The following BSPRY variants were observed in gnomAD, a reference collection of about 807,000 sequenced individuals.
The protein encoded by BSPRY is B box and SPRY domain-containing protein.
Under a neutral mutation model 38.0 loss-of-function variants are expected in BSPRY, and 33 were observed. The observed-to-expected ratio is 0.87, with a 90% CI of 0.66 to 1.16. The LOEUF is 1.16. Among genes scored for constraint, BSPRY ranks in the 50% most tolerant of loss-of-function variants. The pLI is 0.00. For synonymous variants in BSPRY, 224 were observed against 228.5 expected, an observed-to-expected ratio of 0.98 and a Z score of 0.18; for missense variants, 523 against 533.2, an observed-to-expected ratio of 0.98 and a Z score of 0.19.
At chr9:113,367,794 C>G (rs528922113) in intron 4 of BSPRY, among the ~76,000 whole-genome samples, 1 of 151,992 alleles carries the variant, frequency 6.6e-6, no homozygotes, top group African/African-American at 2.4e-5. Context: ...GGCCACCTTC[C>G]CTTTTGGCCC....
At position 113,370,927 on chromosome 9, in the gene BSPRY, A is replaced by C. The variant is rs1356189843; in HGVS notation, c.*785A>C. 6.6e-6 allele frequency: 1 copy of C among 152,050 alleles called. No homozygotes were observed. The highest frequency in any genetic ancestry group is 1.5e-5 in the Non-Finnish European group (1 of 68,006). 9.4% of individuals were successfully genotyped at this position (152,050 alleles called of 1,614,324 possible). On this transcript the variant is annotated 3_prime_UTR_variant, in exon 6 of 6. Transcript: ENST00000374183. This position sits in a 1 kb window ranked among gnomAD's most constrained non-coding sequence, Gnocchi z 4.8. Reference sequence around the variant, plus strand: ...CTGAAAGGCTGCTCCTGGCCAGAGGACTCTGTCCCGGGGGACCGTGTCCTC... The same window carrying C: ...CTGAAAGGCTGCTCCTGGCCAGAGGCCTCTGTCCCGGGGGACCGTGTCCTC...
rs1478344564 is a variant in BSPRY at position 113,349,689 on chromosome 9, G to A, written c.110G>A (p.Arg37Gln). 8.1e-7 allele frequency: 1 copy of A among 1,238,854 alleles called. No individual in the cohort carries two copies. The highest frequency in any genetic ancestry group is 3.3e-5 in the South Asian group (1 of 30,016). The allele number at this position is 1,238,854 out of a possible 1,614,324, so 76.7% of individuals were successfully genotyped here. ...CTGAGCTGGTTCTGCGGCTCCGAGC[G>A]ACGGCCCGTGTGCGCCGCCTGCGCG... ...QALSWFCGSE[R>Q]RPVCAACAGL... is the part of the protein sequence containing the mutation. The change falls in exon 1 of 6, where the codon CGA becomes CAA. Residue 37 changes from arginine (R) to glutamine (Q), a missense_variant. Coordinates refer to ENST00000374183, the MANE Select transcript of BSPRY (RefSeq NM_017688.3).
intron 2 of BSPRY, among the ~76,000 whole-genome samples, chr9:113,356,759 G>T (rs7873616): frequency 0.3 from 45,626 of 152,050 alleles, 8,171 homozygotes; most frequent in African/African-American, 0.49. Flanking sequence ...GGATAATGCT[G>T]AAGTTTTTTT....
chr9:113,360,821 G>A lies in BSPRY; in HGVS notation c.531+84G>A, dbSNP rs1834142117. On this transcript the variant is annotated intron_variant, in intron 3 of 5. Coordinates refer to ENST00000374183, the MANE Select transcript of BSPRY (RefSeq NM_017688.3). ...ATATCGAGAATGTTTGTCGGTATGA[G>A]GAGGGTGGAAATGAGAATTTGGAGC... is the stretch of plus-strand genomic sequence containing the variant. 5.9e-6 allele frequency: 7 copies of A among 1,182,854 alleles called. No individual in the cohort carries two copies. The East Asian group carries it at 7.7e-5, about 13-fold the overall frequency. 73.3% of individuals were successfully genotyped at this position (1,182,854 alleles called of 1,614,324 possible). A position where few individuals can be genotyped will look rare whatever the true frequency, so the allele number is the denominator to read the frequency against.
At chr9:113,365,667 C>T (rs1834235377) in intron 4 of BSPRY, among the ~76,000 whole-genome samples, 1 of 151,828 alleles carries the variant, frequency 6.6e-6, no homozygotes, top group Admixed American at 6.6e-5. Flanking sequence ...ACTCAGTGAC[C>T]TTGCTTCTAG....
rs749586139 is a variant in BSPRY at position 113,368,356 on chromosome 9, G to A, written c.655G>A (p.Ala219Thr). 5 of 1,614,138 alleles carry A rather than the reference G, an allele frequency of 3.1e-6. No individual in the cohort carries two copies. In the South Asian group the frequency reaches 5.5e-5, roughly 18 times the overall value. The change falls in exon 5 of 6, where the codon GCA (alanine) becomes ACA (threonine). Residue 219 changes from alanine to threonine, a missense_variant. Coordinates refer to ENST00000374183, the MANE Select transcript of BSPRY (RefSeq NM_017688.3). ...TRSPLLTQLW[A>T]TAVLGSLSGT... ...GAGCCCACTACTGACCCAACTCTGG[G>A]CAACGGCGGTTCTTGGGTCTCTCTC...
intron 1 of BSPRY, among the ~76,000 whole-genome samples, 175 bp downstream of exon 1, chr9:113,349,955 A>G (rs534190677): frequency 2.6e-5 from 4 of 152,274 alleles, no homozygotes; most frequent in African/African-American, 7.2e-5. Flanking sequence ...TGGCCTCTGA[A>G]GTCAGGCTGG....
chr9:113,357,884 TTCTATATATATATATATATATATATA>T (rs1834085154), intron 2 of BSPRY, among the ~76,000 whole-genome samples: 1 of 87,178 alleles, frequency 1.1e-5, no homozygotes, highest in African/African-American at 4.3e-5. Flanking sequence ...GCCTGTAGAG[TTCTATATATATATATATATATATATA>T]TATATATATA....
intron 4 of BSPRY, among the ~76,000 whole-genome samples, chr9:113,362,947 A>G (rs1286256165): frequency 6.6e-6 from 1 of 152,262 alleles, no homozygotes; most frequent in Non-Finnish European, 1.5e-5. Context: ...CCAAGAGGAC[A>G]TAATTTGCCA....
intron 5 of BSPRY, 36 bp downstream of exon 5, chr9:113,368,419 C>A: frequency 6.2e-7 from 1 of 1,602,778 alleles, no homozygotes; most frequent in Non-Finnish European, 8.5e-7. Context: ...ATTAGGACAA[C>A]TGGGCTTCTG....
At chr9:113,352,250 C>G (rs1278618979) in intron 1 of BSPRY, among the ~76,000 whole-genome samples, 1 of 152,314 alleles carries the variant, frequency 6.6e-6, no homozygotes, top group South Asian at 2.1e-4. Context: ...CTTCTATGTT[C>G]AGAAACTCTC....
In BSPRY at chr9:113,370,094, C is replaced by T. The variant is rs776527548; in HGVS notation, c.1161C>T (p.Leu387=). 6.8e-6 allele frequency: 11 copies of T among 1,605,964 alleles called. 1 individual carries two copies. In the South Asian group the frequency reaches 1.2e-4, roughly 18 times the overall value. ...ATCATGTGTCCTTCCCGGGGCCCCTCTTCCCAGTCTTTGCTGTGGCCGATC... is the reference window on the plus strand; with the variant it reads ...ATCATGTGTCCTTCCCGGGGCCCCTTTTCCCAGTCTTTGCTGTGGCCGATC... The part of the protein sequence containing the change: ...CAHHVSFPGP[L]FPVFAVADQT... Residue 387 remains leucine, a synonymous_variant, in exon 6 of 6, where the codon CTC becomes CTT. Transcript: ENST00000374183. The surrounding 1 kb of genome is among the most constrained non-coding windows in gnomAD (Gnocchi z 4.8).
At chr9:113,350,515 T>A (rs1038117542) in intron 1 of BSPRY, among the ~76,000 whole-genome samples, 1 of 152,128 alleles carries the variant, frequency 6.6e-6, no homozygotes, top group Non-Finnish European at 1.5e-5. Context: ...CACCTCCTTG[T>A]CATCACCATT....
At chr9:113,365,191 A>G (rs1834228464) in intron 4 of BSPRY, among the ~76,000 whole-genome samples, 1 of 152,150 alleles carries the variant, frequency 6.6e-6, no homozygotes, top group African/African-American at 2.4e-5. Flanking sequence ...TTATAAAGTT[A>G]TGCTTTTCCT....
chr9:113,358,023 G>A (rs1834091613), intron 2 of BSPRY, among the ~76,000 whole-genome samples: 1 of 148,514 alleles, frequency 6.7e-6, no homozygotes, highest in South Asian at 2.1e-4. Flanking sequence ...AAGGCCAGGA[G>A]GATCACTTGA....
chr9:113,362,901 C>G (rs1834177626), intron 4 of BSPRY, among the ~76,000 whole-genome samples: 1 of 152,134 alleles, frequency 6.6e-6, no homozygotes, highest in South Asian at 2.1e-4. Flanking sequence ...CAGGTCCTGC[C>G]TGAGTTCTAA....
At chr9:113,357,737 C>T (rs554761981) in intron 2 of BSPRY, among the ~76,000 whole-genome samples, 1 of 151,180 alleles carries the variant, frequency 6.6e-6, no homozygotes, top group Non-Finnish European at 1.5e-5. Flanking sequence ...TAGACAAAGT[C>T]TCACTCCATT....
chr9:113,361,220 C>CCAGT (rs1379686407), intron 3 of BSPRY, among the ~76,000 whole-genome samples: 1 of 152,174 alleles, frequency 6.6e-6, no homozygotes, highest in Non-Finnish European at 1.5e-5. Context: ...AGAGTTGAAC[C>CCAGT]CAGTCTCTCT....
At position 113,369,673 on chromosome 9, in the gene BSPRY, A is replaced by G. The variant is rs1303707911; in HGVS notation, c.740A>G (p.Asp247Gly). 4 of 1,614,060 alleles carry G rather than the reference A, an allele frequency of 2.5e-6. No individual in the cohort carries two copies. The highest frequency in any genetic ancestry group is 2.2e-5 in the East Asian group (1 of 44,888). Reference protein sequence around the residue: ...RTVSPFLQLSDDRKTLTFSTK... With the variant: ...RTVSPFLQLSGDRKTLTFSTK... ...GTCAGCCCCTTCCTGCAATTGTCAG[A>G]TGATCGAAAGACCCTGACCTTCAGC... is the stretch of plus-strand genomic sequence containing the variant. Residue 247 changes from aspartate to glycine, a missense_variant, in exon 6 of 6, where the codon GAT becomes GGT. Physicochemically the swap from Asp to Gly is moderately conservative, Grantham distance 94 (BLOSUM62 -1). Coordinates refer to ENST00000374183, the MANE Select transcript of BSPRY (RefSeq NM_017688.3).
Sources: allele counts gnomAD v4.1 joint callset (sites outside exome capture counted in the v4.1 genomes callset), GRCh38; gene constraint gnomAD v4.1.1; non-coding constraint Gnocchi (gnomAD v3.1); transcripts MANE v1.5; gene names NCBI Gene and HGNC (gene_info 2026-07-23, HGNC 2026-07-21).